ANKIB1: variants seen among roughly 807,000 people sequenced by gnomAD.
ANKIB1 encodes the protein ankyrin repeat and IBR domain-containing protein 1.
In ANKIB1, 43 loss-of-function variants were observed where a neutral mutation model predicts 122.1. The observed-to-expected ratio is 0.35, with a 90% CI of 0.28 to 0.45. The LOEUF is 0.45. Among genes scored for constraint, ANKIB1 ranks in the 20% least tolerant of loss-of-function variants. The pLI, the probability that ANKIB1 is intolerant of heterozygous loss-of-function variation, is 1.00. For missense variants in ANKIB1, 992 were observed against 1,329.5 expected (o/e 0.75, Z 3.95); for synonymous variants, 390 against 442.0 (o/e 0.88, Z 1.48).
chr7:92,382,407 ACT>A (rs777817417), intron 11 of ANKIB1, among the ~76,000 whole-genome samples: 6 of 152,154 alleles, frequency 3.9e-5, no homozygotes, highest in Non-Finnish European at 7.3e-5. Context: ...CATCTACAGA[ACT>A]CTCTACCCCA....
intron 11 of ANKIB1, among the ~76,000 whole-genome samples, chr7:92,386,272 A>T (rs1435925685): frequency 3.3e-5 from 5 of 152,164 alleles, no homozygotes; most frequent in African/African-American, 4.8e-5. Context: ...TCATAATATT[A>T]TGCTTTACAT....
Position 92,398,896 on chromosome 7 carries a change from A to G in ANKIB1, c.3217A>G (p.Ser1073Gly). 4 of 1,604,328 alleles carry G rather than the reference A, an allele frequency of 2.5e-6. No individual in the cohort carries two copies. The highest frequency in any genetic ancestry group is 3.4e-6 in the Non-Finnish European group (4 of 1,175,112). The change falls in exon 20 of 20, where the codon AGT becomes GGT. Residue 1073 changes from serine (S) to glycine (G), a missense_variant. By Grantham distance (56) the Ser-to-Gly change is moderately conservative. This residue lies in a region of ANKIB1 where 384 missense variants were observed against 412.0 expected (regional missense o/e 0.93). Coordinates refer to ENST00000265742, the MANE Select transcript of ANKIB1 (RefSeq NM_019004.2). ...ANRGDGSDVS[S>G]QTPQTSSDWL... ...CAGAGGAGATGGTTCAGATGTTTCA[A>G]GTCAAACACCTCAAACCTCAAGTGA...
chr7:92,247,024 T>G (rs1009541303), intron 1 of ANKIB1, among the ~76,000 whole-genome samples: 5 of 145,222 alleles, frequency 3.4e-5, no homozygotes, highest in African/African-American at 1.4e-4. Context: ...CCCTGTATTC[T>G]TATTCTTCTC....
chr7:92,376,041 T>A (rs977668274), intron 11 of ANKIB1, among the ~76,000 whole-genome samples: 44 of 152,194 alleles, frequency 2.9e-4, no homozygotes, highest in African/African-American at 9.9e-4. Context: ...CTCTCAACAG[T>A]GGGCTTATAA....
intron 10 of ANKIB1, 26 bp from the exon 11 acceptor site, chr7:92,371,451 T>G: frequency 6.3e-6 from 10 of 1,587,086 alleles, no homozygotes; most frequent in Non-Finnish European, 8.6e-6. Context: ...TCATTTATTT[T>G]TGTGATTGTG....
At chr7:92,393,999 T>C (rs1804837564) in intron 17 of ANKIB1, among the ~76,000 whole-genome samples, 2 of 152,162 alleles carry the variant, frequency 1.3e-5, no homozygotes. Context: ...TTAATGTAAA[T>C]TGAGTCTGGC....
At chr7:92,344,325 C>T (rs1803495800) in intron 6 of ANKIB1, among the ~76,000 whole-genome samples, 1 of 151,088 alleles carries the variant, frequency 6.6e-6, no homozygotes, top group Admixed American at 6.6e-5. Context: ...CTGCCTCAGC[C>T]TCCTGAGTAG....
chr7:92,367,843 T>A (rs1804128318), intron 10 of ANKIB1, among the ~76,000 whole-genome samples: 1 of 152,190 alleles, frequency 6.6e-6, no homozygotes, highest in African/African-American at 2.4e-5. Context: ...TAAACTGAGT[T>A]CAAATTGTAT....
At chr7:92,298,030 G>A (rs1384018039) in intron 2 of ANKIB1, among the ~76,000 whole-genome samples, 1 of 151,890 alleles carries the variant, frequency 6.6e-6, no homozygotes, top group African/African-American at 2.4e-5. Flanking sequence ...CCTTCTTTGT[G>A]AATTCATCCC....
At chr7:92,374,579 A>C (rs1285217908) in intron 11 of ANKIB1, among the ~76,000 whole-genome samples, 2 of 152,216 alleles carry the variant, frequency 1.3e-5, no homozygotes, top group Admixed American at 6.5e-5. Flanking sequence ...ATGGACTTTC[A>C]AGAATTTTAA....
rs1466252407 is a variant in ANKIB1 at position 92,295,108 on chromosome 7, T to C, written c.130T>C (p.Tyr44His). The C allele has an allele frequency of 2.5e-6, 4 of 1,577,904 alleles. No homozygotes were observed. The highest frequency in any genetic ancestry group is 3.4e-6 in the Non-Finnish European group (4 of 1,160,864). The change falls in exon 2 of 20, where the codon TAC (tyrosine) becomes CAC (histidine). Residue 44 changes from tyrosine (Y) to histidine (H), a missense_variant. Tyr to His is a moderately conservative substitution (Grantham distance 83, BLOSUM62 2). Transcript: ENST00000265742. ...TCCAAATACATCTTATGGGGAGCCC[T>C]ACCAGCACAATACTCCATTACATTA... ...LDPNTSYGEP[Y>H]QHNTPLHYAA...
chr7:92,334,991 C>A (rs1422472462), intron 5 of ANKIB1, among the ~76,000 whole-genome samples: 1 of 151,832 alleles, frequency 6.6e-6, no homozygotes, highest in Non-Finnish European at 1.5e-5. Context: ...TAAAACTGTA[C>A]ATTTCTTATT....
chr7:92,301,943 C>CT (rs35818557), intron 2 of ANKIB1, among the ~76,000 whole-genome samples: 297 of 145,152 alleles, frequency 2.0e-3, no homozygotes, highest in East Asian at 5.6e-3. Context: ...TTCCTTTTTT[C>CT]TTTTTTTTTT....
At chr7:92,272,956 G>A (rs1205816270) in intron 1 of ANKIB1, among the ~76,000 whole-genome samples, 1 of 152,152 alleles carries the variant, frequency 6.6e-6, no homozygotes. Flanking sequence ...CAAATGGTAA[G>A]TATTTGTATA....
chr7:92,261,490 G>A (rs1043203967), intron 1 of ANKIB1, among the ~76,000 whole-genome samples: 1 of 151,444 alleles, frequency 6.6e-6, no homozygotes, highest in Non-Finnish European at 1.5e-5. Context: ...GTTATTAATT[G>A]CTATTGACTG....
chr7:92,386,742 TA>T (rs1804660272), intron 12 of ANKIB1, 99 bp downstream of exon 12: 1 of 1,126,968 alleles, frequency 8.9e-7, no homozygotes, highest in Non-Finnish European at 1.2e-6. Context: ...AATAAAGTAT[TA>T]AATTGAATAT....
At chr7:92,254,559 ACTACTTATGAGGCTAG>A (rs1300051353) in intron 1 of ANKIB1, among the ~76,000 whole-genome samples, 4 of 152,120 alleles carry the variant, frequency 2.6e-5, no homozygotes, top group East Asian at 1.9e-4. Flanking sequence ...CATTTCCCTA[ACTACTTATGAGGCTAG>A]CTACTTATGA....
chr7:92,341,960 T>TCCCTACCTGGAAATATAC (rs1803449351), intron 5 of ANKIB1, among the ~76,000 whole-genome samples: 1 of 152,102 alleles, frequency 6.6e-6, no homozygotes, highest in Non-Finnish European at 1.5e-5. Context: ...TTGTTTATTT[T>TCCCTACCTGGAAATATAC]CCCTACCTGG....
chr7:92,259,628 T>C (rs2131880042), intron 1 of ANKIB1, among the ~76,000 whole-genome samples: 1 of 152,342 alleles, frequency 6.6e-6, no homozygotes, highest in East Asian at 1.9e-4. Flanking sequence ...TTCCAGGTTG[T>C]ATCTCCAGCC....
Sources: gnomAD v4.1 joint callset for allele counts (sites outside exome capture counted in the v4.1 genomes callset) on GRCh38, gnomAD v4.1.1 for gene constraint, gnomAD v4.1.1 regional missense constraint, MANE v1.5 for transcripts, NCBI Gene and HGNC (gene_info 2026-07-23, HGNC 2026-07-21) for gene names.